The following CCDC171 variants were observed in gnomAD, a reference collection of about 807,000 sequenced individuals.
CCDC171 encodes coiled-coil domain-containing protein 171.
In CCDC171, 177 loss-of-function variants were observed where a neutral mutation model predicts 168.2. The ratio of observed to expected loss-of-function variants is 1.05; its 90% CI spans 0.93 to 1.19. CCDC171 has a LOEUF of 1.19. Ranked by LOEUF, CCDC171 falls within the 50% of genes most tolerant of loss-of-function variation. The pLI is 0.00. For synonymous variants in CCDC171, 687 were observed against 540.8 expected, an observed-to-expected ratio of 1.27 and a Z score of -3.75; for missense variants, 1,991 against 1,539.0, an observed-to-expected ratio of 1.29 and a Z score of -4.91.
At chr9:15,790,508 A>T (rs1300020230) in intron 21 of CCDC171, among the ~76,000 whole-genome samples, 1 of 152,094 alleles carries the variant, frequency 6.6e-6, no homozygotes, top group Admixed American at 6.5e-5. Flanking sequence ...CCTTTGTCAG[A>T]TGAGTAGATT....
intron 1 of CCDC171, among the ~76,000 whole-genome samples, chr9:16,052,085 G>A (rs1833758990): frequency 6.6e-6 from 1 of 152,194 alleles, no homozygotes; most frequent in Admixed American, 6.5e-5. Context: ...AATTACAGGA[G>A]CTACAATTCA....
intron 3 of CCDC171, among the ~76,000 whole-genome samples, chr9:15,983,142 A>G (rs1831858812): frequency 6.6e-6 from 1 of 152,110 alleles, no homozygotes; most frequent in South Asian, 2.1e-4. Flanking sequence ...CTTTTTTGAT[A>G]GGTTCTTCTC....
intron 24 of CCDC171, among the ~76,000 whole-genome samples, chr9:15,891,907 T>C (rs765016194): frequency 1.2e-4 from 18 of 152,196 alleles, no homozygotes; most frequent in Admixed American, 6.5e-4. Flanking sequence ...AGTACCAGCA[T>C]GTATGCTGGG....
intron 16 of CCDC171, among the ~76,000 whole-genome samples, chr9:15,733,755 CAGA>C (rs2054300662): frequency 6.6e-6 from 1 of 151,494 alleles, no homozygotes; most frequent in African/African-American, 2.4e-5. Context: ...GAAAATCTAC[CAGA>C]AGGCATAGCA....
chr9:16,050,833 T>G (rs568078406), intron 1 of CCDC171, among the ~76,000 whole-genome samples: 1 of 152,344 alleles, frequency 6.6e-6, no homozygotes, highest in East Asian at 1.9e-4. Flanking sequence ...AGTTTTTGAA[T>G]GATCTTGTCA....
chr9:15,808,210 A>T (rs2059164308), intron 21 of CCDC171, among the ~76,000 whole-genome samples: 1 of 152,144 alleles, frequency 6.6e-6, no homozygotes, highest in East Asian at 1.9e-4. Context: ...GATTTGAAAT[A>T]GTCACTTTAG....
chr9:15,652,936 A>G (rs1338724689), intron 7 of CCDC171, among the ~76,000 whole-genome samples: 2 of 152,164 alleles, frequency 1.3e-5, no homozygotes, highest in African/African-American at 2.4e-5. Context: ...ATCCTGTGGG[A>G]CTGGTATTCT....
intron 1 of CCDC171, among the ~76,000 whole-genome samples, chr9:15,560,571 G>T (rs983923358): frequency 8.5e-5 from 13 of 152,050 alleles, no homozygotes; most frequent in Admixed American, 6.6e-4. Flanking sequence ...ATCGTTTTCA[G>T]CTCCATCAGG....
At chr9:16,000,263 A>G (rs541293257) in intron 3 of CCDC171, among the ~76,000 whole-genome samples, 1 of 152,300 alleles carries the variant, frequency 6.6e-6, no homozygotes, top group African/African-American at 2.4e-5. Flanking sequence ...CTACAAACCC[A>G]AAGCCTTTTC....
chr9:15,650,508 A>G (rs1311254752), intron 7 of CCDC171, among the ~76,000 whole-genome samples: 1 of 152,166 alleles, frequency 6.6e-6, no homozygotes. Context: ...ATTATTTCGT[A>G]CAGTTATTGG....
downstream of CCDC171, chr9:16,061,681 G>A (rs1833932559): frequency 1.3e-5 from 2 of 152,172 alleles, no homozygotes; most frequent in Admixed American, 6.5e-5. Flanking sequence ...TGTGTGCAAA[G>A]AACTATGCTA....
intron 10 of CCDC171, among the ~76,000 whole-genome samples, chr9:15,687,133 A>C (rs1324790150): frequency 6.6e-6 from 1 of 152,250 alleles, no homozygotes; most frequent in Non-Finnish European, 1.5e-5. Context: ...AAATATGTGA[A>C]AATTAGATAA....
chr9:15,893,976 C>T (rs775414330), intron 24 of CCDC171, among the ~76,000 whole-genome samples: 3 of 152,100 alleles, frequency 2.0e-5, no homozygotes, highest in Non-Finnish European at 2.9e-5. Flanking sequence ...TACATGCACA[C>T]GTATGTTCGT....
chr9:16,058,162 G>C (rs566372994), intron 1 of CCDC171, among the ~76,000 whole-genome samples: 4 of 152,058 alleles, frequency 2.6e-5, no homozygotes, highest in African/African-American at 9.7e-5. Flanking sequence ...GTCCAAGACC[G>C]ATCTCTGGAA....
chr9:15,723,007 G>A (rs1188277333), intron 12 of CCDC171, among the ~76,000 whole-genome samples: 1 of 152,164 alleles, frequency 6.6e-6, no homozygotes, highest in Admixed American at 6.5e-5. Flanking sequence ...CCTCAGCACA[G>A]TTGAAAAGTC....
intron 6 of CCDC171, among the ~76,000 whole-genome samples, chr9:16,027,433 A>G (rs752085375): frequency 1.3e-5 from 2 of 152,186 alleles, no homozygotes; most frequent in Non-Finnish European, 2.9e-5. Flanking sequence ...CCACCACTCA[A>G]GTCAGTCTCA....
intron 18 of CCDC171, among the ~76,000 whole-genome samples, chr9:15,752,666 C>A (rs977489701): frequency 1.3e-5 from 2 of 152,154 alleles, no homozygotes; most frequent in African/African-American, 4.8e-5. Context: ...AGCGCATGTT[C>A]TCACTCATAA....
intron 2 of CCDC171, among the ~76,000 whole-genome samples, chr9:15,570,290 C>G (rs1361002345): frequency 6.6e-6 from 1 of 151,742 alleles, no homozygotes; most frequent in Non-Finnish European, 1.5e-5. Context: ...TTTTTAAGAG[C>G]TGTTTTTTTT....
chr9:16,077,212 G>A, the CCDC171 span, among the ~76,000 whole-genome samples: 2 of 152,254 alleles, frequency 1.3e-5, no homozygotes, highest in African/African-American at 4.8e-5. Flanking sequence ...AATCTAGGGA[G>A]GAAAAGAGAA....
Sources: allele counts gnomAD v4.1 joint callset (sites outside exome capture counted in the v4.1 genomes callset), GRCh38; gene constraint gnomAD v4.1.1; transcripts MANE v1.5; gene names NCBI Gene and HGNC (gene_info 2026-07-23, HGNC 2026-07-21).